PLD5: variants seen among roughly 807,000 people sequenced by gnomAD.
The protein encoded by PLD5 is phospholipase D family member 5.
A neutral mutation model predicts 61.1 loss-of-function variants in PLD5; 36 were observed. The ratio of observed to expected loss-of-function variants is 0.59; its 90% CI spans 0.45 to 0.78. PLD5 has a LOEUF of 0.78. Ranked by LOEUF, PLD5 falls within the 30% of genes least tolerant of loss-of-function variation. The probability of loss-of-function intolerance (pLI) is 0.00; values close to 1 mark genes in which losing one functional copy is unlikely to be tolerated. For missense variants in PLD5, 515 were observed against 644.4 expected (o/e 0.80, Z 2.17); for synonymous variants, 243 against 242.8 (o/e 1.00, Z -0.01).
At chr1:242,152,864 A>G (rs1450252077) in intron 5 of PLD5, among the ~76,000 whole-genome samples, 1 of 152,164 alleles carries the variant, frequency 6.6e-6, no homozygotes, top group Non-Finnish European at 1.5e-5. Context: ...TCCTTTGGGT[A>G]TATATCCAGT....
intron 5 of PLD5, among the ~76,000 whole-genome samples, chr1:242,134,021 G>C (rs1016222482): frequency 3.3e-5 from 5 of 152,188 alleles, no homozygotes; most frequent in East Asian, 1.9e-4. Context: ...CAGTGAGGAA[G>C]TTGAGGTCAT....
intron 1 of PLD5, among the ~76,000 whole-genome samples, chr1:242,411,115 A>C (rs1012724103): frequency 1.3e-5 from 2 of 152,234 alleles, no homozygotes; most frequent in African/African-American, 4.8e-5. Flanking sequence ...ATAAAATTAT[A>C]GGTTCTTCAA....
At chr1:242,131,619 A>C (rs1195414809) in intron 5 of PLD5, among the ~76,000 whole-genome samples, 1 of 152,164 alleles carries the variant, frequency 6.6e-6, no homozygotes, top group Non-Finnish European at 1.5e-5. Context: ...AGCTGATACA[A>C]GAATACTCAA....
intron 5 of PLD5, among the ~76,000 whole-genome samples, chr1:242,169,990 G>A (rs572682659): frequency 2.0e-5 from 3 of 152,350 alleles, no homozygotes; most frequent in African/African-American, 7.2e-5. Context: ...GGGGGAAGGG[G>A]TGGCTGTGGG....
At chr1:242,254,898 T>C (rs866115711) in intron 4 of PLD5, among the ~76,000 whole-genome samples, 9 of 152,212 alleles carry the variant, frequency 5.9e-5, no homozygotes, top group African/African-American at 1.9e-4. Context: ...TATTTTGGTG[T>C]GCTATGAAGA....
intron 4 of PLD5, among the ~76,000 whole-genome samples, chr1:242,261,707 A>G (rs1161757173): frequency 6.6e-6 from 1 of 152,222 alleles, no homozygotes; most frequent in Non-Finnish European, 1.5e-5. Flanking sequence ...CCAAGAGAAT[A>G]TGGAAATGGT....
At chr1:242,425,234 T>C (rs940665470) in intron 1 of PLD5, among the ~76,000 whole-genome samples, 1 of 152,228 alleles carries the variant, frequency 6.6e-6, no homozygotes, top group African/African-American at 2.4e-5. Context: ...TGGAGTGCAC[T>C]TGCGCAAACC....
At chr1:242,196,830 C>T (rs958131319) in intron 5 of PLD5, among the ~76,000 whole-genome samples, 2 of 152,202 alleles carry the variant, frequency 1.3e-5, no homozygotes, top group African/African-American at 4.8e-5. Context: ...TCTTTCCAGA[C>T]TCTTTTCCAC....
At chr1:242,515,219 TGAGA>T (rs372842417) in intron 1 of PLD5, among the ~76,000 whole-genome samples, 10 of 150,834 alleles carry the variant, frequency 6.6e-5, no homozygotes, top group East Asian at 2.0e-4. Flanking sequence ...TGTGTGTGTG[TGAGA>T]GAGAGAGAGT....
chr1:242,299,676 G>C (rs112424123), intron 2 of PLD5, among the ~76,000 whole-genome samples: 3 of 152,202 alleles, frequency 2.0e-5, no homozygotes, highest in African/African-American at 7.2e-5. Context: ...TTCCAGATTC[G>C]CTAGCAGAGT....
chr1:242,512,161 C>T (rs530494293), intron 1 of PLD5, among the ~76,000 whole-genome samples: 11 of 151,196 alleles, frequency 7.3e-5, no homozygotes, highest in South Asian at 2.1e-4. Context: ...CCTGTAATCC[C>T]AGCACTTTGG....
chr1:242,312,187 T>G (rs1676734238), intron 2 of PLD5, among the ~76,000 whole-genome samples: 1 of 152,144 alleles, frequency 6.6e-6, no homozygotes, highest in Admixed American at 6.6e-5. Context: ...GATGGTTGTG[T>G]TTCTTCAAGC....
At chr1:242,408,793 G>C (rs1338800568) in intron 1 of PLD5, among the ~76,000 whole-genome samples, 1 of 152,136 alleles carries the variant, frequency 6.6e-6, no homozygotes, top group Non-Finnish European at 1.5e-5. Context: ...AAGCGGCCAG[G>C]CACAGTGGCT....
chr1:242,104,278 C>G (rs981348880), intron 8 of PLD5, among the ~76,000 whole-genome samples: 2 of 150,774 alleles, frequency 1.3e-5, no homozygotes, highest in South Asian at 2.1e-4. Context: ...TATGCACCAC[C>G]ACACCTGGCT....
At position 242,288,423 on chromosome 1, in the gene PLD5, T is replaced by C. The variant is rs1675156731; in HGVS notation, c.434A>G (p.Lys145Arg). Residue 145 changes from lysine (K) to arginine (R), a missense_variant, in exon 3 of 10, where the codon AAG (lysine) becomes AGG (arginine). Transcript: ENST00000536534. ...ATGGGAAGACACTATGTCAACAGAC[T>C]TTTTGGCCATGTTGAGTAAATTCAT... ...GWMNLLNMAK[K>R]SVDIVSSHWD... 6.2e-7 allele frequency: 1 copy of C among 1,612,340 alleles called. No individual in the cohort carries two copies. The highest frequency in any genetic ancestry group is 8.5e-7 in the Non-Finnish European group (1 of 1,179,526).
chr1:242,196,633 A>G (rs1668653032), intron 5 of PLD5, among the ~76,000 whole-genome samples: 1 of 152,190 alleles, frequency 6.6e-6, no homozygotes, highest in African/African-American at 2.4e-5. Flanking sequence ...TTCACAATAT[A>G]TTGATTACAA....
intron 8 of PLD5, among the ~76,000 whole-genome samples, chr1:242,101,625 T>C (rs1215271404): frequency 1.3e-5 from 2 of 152,208 alleles, no homozygotes; most frequent in Non-Finnish European, 2.9e-5. Context: ...CCTTGTGGAA[T>C]GTCTTACAGC....
At chr1:242,449,250 G>T (rs1666681849) in intron 1 of PLD5, 1 of 1,409,776 alleles carries the variant, frequency 7.1e-7, no homozygotes, top group South Asian at 1.2e-5. Flanking sequence ...GAGCTCAAGT[G>T]ACTGTTCAGT....
At chr1:242,469,197 T>C (rs1291915276) in intron 1 of PLD5, among the ~76,000 whole-genome samples, 5 of 152,240 alleles carry the variant, frequency 3.3e-5, no homozygotes, top group Non-Finnish European at 7.3e-5. Context: ...TGGGATTGCT[T>C]GTATAGATGT....
Sources: allele counts gnomAD v4.1 joint callset (sites outside exome capture counted in the v4.1 genomes callset), GRCh38; gene constraint gnomAD v4.1.1; transcripts MANE v1.5; gene names NCBI Gene and HGNC (gene_info 2026-07-23, HGNC 2026-07-21).